CD226: variants seen among roughly 807,000 people sequenced by gnomAD.
CD226 encodes CD226 molecule.
A neutral mutation model predicts 34.9 loss-of-function variants in CD226; 24 were observed. The ratio of observed to expected loss-of-function variants is 0.69; its 90% CI spans 0.50 to 0.97. The LOEUF (loss-of-function observed/expected upper bound fraction) is 0.97, where lower values mean the gene tolerates loss of function less well. CD226 is among the 50% of genes least tolerant of loss of function. The pLI, the probability that CD226 is intolerant of heterozygous loss-of-function variation, is 0.00. For synonymous variants in CD226, 148 were observed against 147.4 expected, an observed-to-expected ratio of 1.00 and a Z score of -0.03; for missense variants, 397 against 412.7, an observed-to-expected ratio of 0.96 and a Z score of 0.33.
intron 2 of CD226, among the ~76,000 whole-genome samples, chr18:69,898,972 C>T (rs1198299435): frequency 6.6e-6 from 1 of 152,136 alleles, no homozygotes; most frequent in Non-Finnish European, 1.5e-5. Context: ...AAAACAAATA[C>T]AAATAATGAA....
chr18:69,924,033 A>T (rs1402008212), intron 2 of CD226, among the ~76,000 whole-genome samples: 1 of 152,060 alleles, frequency 6.6e-6, no homozygotes, highest in Admixed American at 6.5e-5. Context: ...TTTATCGAGG[A>T]TGGCTTCCAC....
At chr18:69,943,612 G>A (rs2055752596) in intron 2 of CD226, among the ~76,000 whole-genome samples, 1 of 152,178 alleles carries the variant, frequency 6.6e-6, no homozygotes, top group Non-Finnish European at 1.5e-5. Flanking sequence ...AGGTACAAAG[G>A]CCAAGGTCTC....
chr18:69,866,013 C>T, intron 5 of CD226, among the ~76,000 whole-genome samples: 1 of 77,038 alleles, frequency 1.3e-5, no homozygotes, highest in Non-Finnish European at 3.6e-5. Context: ...ATTTTCCTAA[C>T]TTGAGAAAAA....
chr18:69,895,507 C>T (rs774384149), intron 3 of CD226, among the ~76,000 whole-genome samples, 194 bp downstream of exon 3: 2 of 152,070 alleles, frequency 1.3e-5, no homozygotes, highest in Non-Finnish European at 2.9e-5. Flanking sequence ...ATTGCTGTAT[C>T]TGATTGATGG....
intron 3 of CD226, among the ~76,000 whole-genome samples, chr18:69,885,424 A>G (rs2145217768): frequency 6.6e-6 from 1 of 152,298 alleles, no homozygotes; most frequent in African/African-American, 2.4e-5. Flanking sequence ...TGGGCACAAG[A>G]GCAAGAGAGC....
chr18:69,866,934 G>T (rs1983185105), intron 5 of CD226, among the ~76,000 whole-genome samples: 1 of 152,166 alleles, frequency 6.6e-6, no homozygotes, highest in African/African-American at 2.4e-5. Context: ...CTGGATAGAA[G>T]CATGGGATGG....
At chr18:69,955,614 T>A (rs1188439941) in intron 1 of CD226, among the ~76,000 whole-genome samples, 1 of 152,006 alleles carries the variant, frequency 6.6e-6, no homozygotes, top group Non-Finnish European at 1.5e-5. Flanking sequence ...ACGCCTGTAA[T>A]CCCAAAGTGA....
chr18:69,869,356 A>G (rs1983358273), intron 4 of CD226, among the ~76,000 whole-genome samples: 1 of 152,188 alleles, frequency 6.6e-6, no homozygotes, highest in Admixed American at 6.5e-5. Context: ...CTTTGCAGGG[A>G]CACGGATAGA....
chr18:69,960,766 T>A (rs1416805219), upstream of CD226, among the ~76,000 whole-genome samples: 1 of 152,208 alleles, frequency 6.6e-6, no homozygotes, highest in Non-Finnish European at 1.5e-5. Context: ...TTGATAATTT[T>A]AAATATCCTT....
intron 2 of CD226, among the ~76,000 whole-genome samples, chr18:69,916,500 G>A (rs1010206311): frequency 6.6e-6 from 1 of 152,194 alleles, no homozygotes; most frequent in Admixed American, 6.5e-5. Context: ...GGAAAGCCAT[G>A]ACTCAAAACA....
In CD226 at chr18:69,859,535, G is replaced by C. The variant is rs913869161; in HGVS notation, c.*4779C>G. The C allele has an allele frequency of 2.6e-5, 4 of 151,002 alleles. No individual in the cohort carries two copies. The highest frequency in any genetic ancestry group is 5.9e-5 in the Non-Finnish European group (4 of 67,842). 9.4% of individuals were successfully genotyped at this position (151,002 alleles called of 1,614,324 possible). On this transcript the variant is annotated 3_prime_UTR_variant, in exon 6 of 6. Coordinates refer to ENST00000582621, the MANE Select transcript of CD226 (RefSeq NM_001303618.2). The stretch of plus-strand genomic sequence containing the variant: ...GTATTTTATGTGGTGAGTTTGGGGA[G>C]AGAAAGACATCTAAATGAATAATGA...
chr18:69,929,007 G>A (rs1271706211), intron 2 of CD226, among the ~76,000 whole-genome samples: 2 of 152,194 alleles, frequency 1.3e-5, no homozygotes, highest in Non-Finnish European at 2.9e-5. Flanking sequence ...AACCACGTAG[G>A]TGAGGGCTCC....
chr18:69,907,097 T>G (rs781139359), intron 2 of CD226, among the ~76,000 whole-genome samples: 64 of 152,162 alleles, frequency 4.2e-4, no homozygotes, highest in Non-Finnish European at 7.5e-4. Context: ...CTGGATCCTG[T>G]GCCCTTGCTG....
At chr18:69,914,857 G>T (rs1908733760) in intron 2 of CD226, among the ~76,000 whole-genome samples, 1 of 152,114 alleles carries the variant, frequency 6.6e-6, no homozygotes, top group Non-Finnish European at 1.5e-5. Context: ...ATTGGCACAA[G>T]AAAACATCCA....
intron 2 of CD226, among the ~76,000 whole-genome samples, chr18:69,928,988 A>G (rs2055556850): frequency 6.6e-6 from 1 of 152,250 alleles, no homozygotes; most frequent in East Asian, 1.9e-4. Context: ...ACTTGTAAGA[A>G]TCAAGATTAA....
chr18:69,882,988 C>A (rs1056789013), intron 3 of CD226, among the ~76,000 whole-genome samples: 1 of 152,192 alleles, frequency 6.6e-6, no homozygotes, highest in Non-Finnish European at 1.5e-5. Context: ...ATTATGGACA[C>A]TTGACTCTGA....
intron 3 of CD226, among the ~76,000 whole-genome samples, chr18:69,880,142 G>C (rs894538109): frequency 1.3e-5 from 2 of 151,284 alleles, no homozygotes; most frequent in African/African-American, 4.9e-5. Context: ...AAAGAAGAAA[G>C]AAAGAAAGGA....
Position 69,930,268 on chromosome 18 carries a change from A to G in CD226, c.382+16466T>C, listed in dbSNP as rs572170141. 5.9e-5 allele frequency among the ~76,000 whole-genome samples: 9 copies of G among 152,332 alleles called. No individual in the cohort carries two copies. In the South Asian group the frequency reaches 1.9e-3, roughly 32 times the overall value. ...TGAGGTGTCTATTTTGCAAGTCTAG[A>G]CACTTAGATGTGAAAAATGAGGCAA... On this transcript the variant is annotated intron_variant, in intron 2 of 5. Transcript: ENST00000582621.
chr18:69,900,434 T>G (rs1206087871), intron 2 of CD226, among the ~76,000 whole-genome samples: 2 of 152,192 alleles, frequency 1.3e-5, no homozygotes, highest in Admixed American at 1.3e-4. Flanking sequence ...CCTAAAAGTT[T>G]TTTTAAAAAT....
Sources: gnomAD v4.1 joint callset for allele counts (sites outside exome capture counted in the v4.1 genomes callset) on GRCh38, gnomAD v4.1.1 for gene constraint, MANE v1.5 for transcripts, NCBI Gene and HGNC (gene_info 2026-07-23, HGNC 2026-07-21) for gene names.